Variants in DCLK1 observed in about 807,000 individuals in gnomAD.
The protein encoded by DCLK1 is serine/threonine-protein kinase DCLK1.
DCLK1 carries 16 observed loss-of-function variants against 86.2 expected under a neutral mutation model. The ratio of observed to expected loss-of-function variants is 0.19; its 90% CI spans 0.13 to 0.28. The LOEUF (loss-of-function observed/expected upper bound fraction) is 0.28. Among genes scored for constraint, DCLK1 ranks in the 10% least tolerant of loss-of-function variants. The pLI is 1.00. For synonymous variants in DCLK1, 369 were observed against 370.5 expected (o/e 1.00, Z 0.05); for missense variants, 590 against 940.2 (o/e 0.63, Z 4.87).
chr13:35,834,534 G>C, intron 8 of DCLK1, among the ~76,000 whole-genome samples: 1 of 152,206 alleles, frequency 6.6e-6, no homozygotes, highest in Admixed American at 6.5e-5. Flanking sequence ...CTGATATTAT[G>C]AAAGTATTGT....
intron 4 of DCLK1, among the ~76,000 whole-genome samples, chr13:35,892,071 G>A (rs1216134695): frequency 3.3e-5 from 5 of 152,076 alleles, no homozygotes; most frequent in African/African-American, 1.2e-4. Context: ...TACCAGCTGA[G>A]TCATATCATA....
intron 3 of DCLK1, among the ~76,000 whole-genome samples, chr13:35,961,499 G>A (rs1009528019): frequency 1.2e-4 from 19 of 152,164 alleles, no homozygotes; most frequent in African/African-American, 4.6e-4. Flanking sequence ...CAAAGTGCAT[G>A]AAAATTGTAT....
Position 35,829,898 on chromosome 13 carries a change from C to G in DCLK1, c.1230-1591G>C, listed in dbSNP as rs182659245. Among the ~76,000 whole-genome samples, 1,308 of 152,292 alleles carry G rather than the reference C, an allele frequency of 8.6e-3. 26 individuals are homozygous for G. Among genetic ancestry groups the G allele is most frequent in the African/African-American group, 0.03 (1,239 of 41,566 alleles). Reference sequence around the variant, plus strand: ...TAGAAGCCCAAGGATGCCCCTGCCACTGTCTCTGTTGATCTTTCAACAAAG... The same window carrying G: ...TAGAAGCCCAAGGATGCCCCTGCCAGTGTCTCTGTTGATCTTTCAACAAAG... On this transcript the variant is annotated intron_variant, in intron 8 of 16. Transcript: ENST00000360631.
intron 3 of DCLK1, among the ~76,000 whole-genome samples, chr13:36,000,294 G>A (rs1880654956): frequency 6.6e-6 from 1 of 152,058 alleles, no homozygotes; most frequent in African/African-American, 2.4e-5. Context: ...CATAACTTAA[G>A]GACGGAAACC....
intron 3 of DCLK1, among the ~76,000 whole-genome samples, chr13:36,057,515 A>G (rs1355019714): frequency 6.6e-6 from 1 of 152,206 alleles, no homozygotes; most frequent in African/African-American, 2.4e-5. Context: ...TAAAAATTCC[A>G]TTGTAAACCT....
chr13:35,811,267 T>C (rs1324405347), intron 11 of DCLK1, among the ~76,000 whole-genome samples: 1 of 152,088 alleles, frequency 6.6e-6, no homozygotes, highest in Non-Finnish European at 1.5e-5. Flanking sequence ...TTGAATTATG[T>C]TTGGGAAATG....
At chr13:36,004,696 T>G (rs1412392404) in intron 3 of DCLK1, among the ~76,000 whole-genome samples, 1 of 152,066 alleles carries the variant, frequency 6.6e-6, no homozygotes, top group Admixed American at 6.6e-5. Context: ...CCACCTCAGC[T>G]TCCCAAGTAG....
At chr13:36,128,382 T>C (rs1222892157) in intron 1 of DCLK1, among the ~76,000 whole-genome samples, 2 of 152,196 alleles carry the variant, frequency 1.3e-5, no homozygotes, top group Non-Finnish European at 2.9e-5. Context: ...CCAGATTTAC[T>C]GTAACTCCAA....
chr13:35,856,767 G>C (rs997016214), intron 5 of DCLK1, among the ~76,000 whole-genome samples: 1 of 152,138 alleles, frequency 6.6e-6, no homozygotes, highest in Non-Finnish European at 1.5e-5. Context: ...AATGCACTTA[G>C]ACCTTTTATA....
chr13:35,843,672 C>T lies in DCLK1; in HGVS notation c.1036-4496G>A, dbSNP rs1593652632. 2.0e-5 allele frequency among the ~76,000 whole-genome samples: 3 copies of T among 152,290 alleles called. No individual in the cohort carries two copies. In the East Asian group the frequency reaches 5.8e-4, roughly 29 times the overall value. Reference sequence around the variant, plus strand: ...ATTGATCTAATCAAGGTAGAAAAATCTCACCACACAACTTTAGCTTTGGCT... The same window carrying T: ...ATTGATCTAATCAAGGTAGAAAAATTTCACCACACAACTTTAGCTTTGGCT... On this transcript the variant is annotated intron_variant, in intron 6 of 16. Transcript: ENST00000360631.
chr13:35,894,166 T>C (rs539608162), intron 4 of DCLK1, among the ~76,000 whole-genome samples: 3 of 151,852 alleles, frequency 2.0e-5, no homozygotes, highest in Non-Finnish European at 4.4e-5. Flanking sequence ...CAAACCCTTG[T>C]ATCTGAAATA....
chr13:35,806,170 A>G (rs1290323583), intron 14 of DCLK1, among the ~76,000 whole-genome samples: 3 of 152,180 alleles, frequency 2.0e-5, no homozygotes, highest in Admixed American at 6.5e-5. Context: ...TTAAAATTTC[A>G]CTTTAGCAGC....
At chr13:35,829,978 TA>T (rs928553596) in intron 8 of DCLK1, among the ~76,000 whole-genome samples, 13 of 152,198 alleles carry the variant, frequency 8.5e-5, no homozygotes, top group Non-Finnish European at 1.8e-4. Flanking sequence ...AGGCTGTGGC[TA>T]AATGCAGGGC....
intron 4 of DCLK1, among the ~76,000 whole-genome samples, chr13:35,933,840 G>A (rs1876598462): frequency 6.6e-6 from 1 of 152,224 alleles, no homozygotes; most frequent in African/African-American, 2.4e-5. Context: ...AAATTTGGCT[G>A]CTCGTTACTT....
intron 7 of DCLK1, among the ~76,000 whole-genome samples, chr13:35,838,278 A>G (rs1293505177): frequency 6.6e-6 from 1 of 152,190 alleles, no homozygotes; most frequent in African/African-American, 2.4e-5. Context: ...TTCACTGAAT[A>G]TAATAAAAGC....
At chr13:35,831,568 G>A (rs559631235) in intron 8 of DCLK1, among the ~76,000 whole-genome samples, 22 of 152,250 alleles carry the variant, frequency 1.4e-4, no homozygotes, top group Admixed American at 9.8e-4. Context: ...AGAGGGGAAC[G>A]AGACCTGATC....
intron 3 of DCLK1, among the ~76,000 whole-genome samples, chr13:35,948,123 A>G (rs949075363): frequency 3.3e-5 from 5 of 152,206 alleles, no homozygotes; most frequent in African/African-American, 1.2e-4. Flanking sequence ...TATTTACTCG[A>G]CTTACTCTCC....
At chr13:36,092,547 C>T (rs1411122117) in intron 3 of DCLK1, among the ~76,000 whole-genome samples, 10 of 120,238 alleles carry the variant, frequency 8.3e-5, no homozygotes, top group African/African-American at 3.2e-4. Flanking sequence ...AGTGCAGTGG[C>T]GGGATCTCGG....
intron 3 of DCLK1, among the ~76,000 whole-genome samples, chr13:36,042,342 TA>T (rs1327950224): frequency 6.6e-6 from 1 of 152,222 alleles, no homozygotes; most frequent in Non-Finnish European, 1.5e-5. Context: ...CAACCTGATT[TA>T]AAACAGGGAT....
Sources: gnomAD v4.1 joint callset for allele counts (sites outside exome capture counted in the v4.1 genomes callset) on GRCh38, gnomAD v4.1.1 for gene constraint, MANE v1.5 for transcripts, NCBI Gene and HGNC (gene_info 2026-07-23, HGNC 2026-07-21) for gene names.